The following LNPK variants were observed in gnomAD, a reference collection of about 807,000 sequenced individuals.
The protein encoded by LNPK is endoplasmic reticulum junction formation protein lunapark.
Under a neutral mutation model 55.2 loss-of-function variants are expected in LNPK, and 29 were observed. That is an observed-to-expected ratio of 0.53 (90% confidence interval 0.39 to 0.72). LNPK has a LOEUF of 0.72. Ranked by LOEUF, LNPK falls within the 30% of genes least tolerant of loss-of-function variation. The probability of loss-of-function intolerance (pLI) is 0.00; values close to 1 mark genes in which losing one functional copy is unlikely to be tolerated. For synonymous variants in LNPK, 162 were observed against 168.2 expected (o/e 0.96, Z 0.29); for missense variants, 467 against 494.8 (o/e 0.94, Z 0.53).
intron 9 of LNPK, chr2:175,940,929 A>T: frequency 4.4e-6 from 2 of 453,014 alleles, no homozygotes; most frequent in Middle Eastern, 3.3e-4. Flanking sequence ...AAACTGGTGA[A>T]CTTTAAGACA....
At chr2:175,951,398 T>C (rs1353816145) in intron 8 of LNPK, among the ~76,000 whole-genome samples, 4 of 151,626 alleles carry the variant, frequency 2.6e-5, no homozygotes, top group Non-Finnish European at 5.9e-5. Flanking sequence ...GTCCCCAAAG[T>C]CCATTGTGTC....
rs967956845 is a variant in LNPK at position 175,929,819 on chromosome 2, T to C, written c.*148A>G. On this transcript the variant is annotated 3_prime_UTR_variant, in exon 13 of 13. Transcript: ENST00000272748. ...TTTTAATACCCAGTATATATAACTT[T>C]GAGATGTTCAAATAGCTAGGCAATC... 1 of 1,453,940 alleles carries C rather than the reference T, an allele frequency of 6.9e-7. No homozygotes were observed. The highest frequency in any genetic ancestry group is 2.5e-5 in the East Asian group (1 of 40,270). 90.1% of individuals were successfully genotyped at this position (1,453,940 alleles called of 1,614,324 possible). A position where few individuals can be genotyped will look rare whatever the true frequency, so the allele number is the denominator to read the frequency against.
At chr2:175,984,850 T>G (rs942414355) in intron 4 of LNPK, among the ~76,000 whole-genome samples, 1 of 152,216 alleles carries the variant, frequency 6.6e-6, no homozygotes, top group Non-Finnish European at 1.5e-5. Context: ...CTCCAGCATT[T>G]GCACTCTTGG....
chr2:175,938,957 C>T (rs1684680628), intron 10 of LNPK: 1 of 152,108 alleles, frequency 6.6e-6, no homozygotes, highest in African/African-American at 2.4e-5. Context: ...TTCGCTATAT[C>T]AAATGTCATT....
At chr2:175,975,031 A>G (rs1189205599) in intron 5 of LNPK, among the ~76,000 whole-genome samples, 1 of 139,548 alleles carries the variant, frequency 7.2e-6, no homozygotes, top group South Asian at 2.2e-4. Flanking sequence ...TTTTTTTACT[A>G]TCTTGCTATT....
At chr2:175,984,454 G>T (rs745440266) in intron 4 of LNPK, among the ~76,000 whole-genome samples, 1 of 152,008 alleles carries the variant, frequency 6.6e-6, no homozygotes. Flanking sequence ...GATTACAGGC[G>T]TGAACCACTG....
chr2:175,983,980 T>C (rs819032), intron 4 of LNPK, among the ~76,000 whole-genome samples: 79,871 of 149,970 alleles, frequency 0.53, 21,849 homozygotes, highest in African/African-American at 0.66. Flanking sequence ...TAAGAGAAAA[T>C]CTTCACAACC....
chr2:175,952,405 A>G (rs1193236013), intron 8 of LNPK, among the ~76,000 whole-genome samples: 2 of 151,962 alleles, frequency 1.3e-5, no homozygotes, highest in African/African-American at 4.8e-5. Flanking sequence ...GCACAGGGAT[A>G]TATTTTCAGG....
chr2:175,931,071 T>C (rs1197154041), intron 12 of LNPK, among the ~76,000 whole-genome samples: 1 of 152,204 alleles, frequency 6.6e-6, no homozygotes, highest in Non-Finnish European at 1.5e-5. Context: ...AGACAACCTT[T>C]GGGCCACCCA....
intron 12 of LNPK, chr2:175,932,308 AACT>A: frequency 2.6e-6 from 1 of 382,080 alleles, no homozygotes; most frequent in Non-Finnish European, 5.2e-6. Context: ...CAAGGAGGAG[AACT>A]ACAATACTGA....
chr2:175,932,643 T>C (rs541652667), intron 12 of LNPK, among the ~76,000 whole-genome samples: 2 of 152,320 alleles, frequency 1.3e-5, no homozygotes, highest in East Asian at 1.9e-4. Flanking sequence ...GCCAATGCCA[T>C]TTTGTAAGAA....
intron 4 of LNPK, 150 bp downstream of exon 4, chr2:175,992,081 C>T (rs1687727184): frequency 1.9e-6 from 1 of 532,294 alleles, no homozygotes; most frequent in Admixed American, 4.3e-5. Flanking sequence ...AATTGTTCTA[C>T]TAAAAAAATC....
At chr2:175,966,628 A>G (rs896627345) in intron 6 of LNPK, among the ~76,000 whole-genome samples, 2 of 152,106 alleles carry the variant, frequency 1.3e-5, no homozygotes, top group African/African-American at 4.8e-5. Flanking sequence ...TCTATTTCCC[A>G]TTTTTTGCAT....
intron 12 of LNPK, among the ~76,000 whole-genome samples, chr2:175,933,776 C>G (rs551492805): frequency 1.2e-3 from 169 of 142,034 alleles, no homozygotes; most frequent in African/African-American, 3.9e-3. Context: ...CTGTCACCCA[C>G]GCTGGAGTGC....
chr2:175,998,419 G>T (rs1017865527), intron 1 of LNPK, among the ~76,000 whole-genome samples: 1 of 149,364 alleles, frequency 6.7e-6, no homozygotes, highest in Non-Finnish European at 1.5e-5. Flanking sequence ...CTCCAGCCTG[G>T]GTCACAGAGC....
intron 9 of LNPK, among the ~76,000 whole-genome samples, chr2:175,940,123 T>C (rs1174104216): frequency 6.6e-6 from 1 of 152,020 alleles, no homozygotes; most frequent in East Asian, 1.9e-4. Flanking sequence ...TATCAAGCAA[T>C]GTAGGTTATT....
intron 8 of LNPK, among the ~76,000 whole-genome samples, chr2:175,956,110 T>C (rs1218619571): frequency 1.3e-5 from 2 of 151,712 alleles, no homozygotes; most frequent in African/African-American, 4.8e-5. Flanking sequence ...TGAAACCCCA[T>C]CTCTACAAAA....
chr2:175,958,663 C>T (rs1022583291), intron 8 of LNPK, among the ~76,000 whole-genome samples: 5 of 152,178 alleles, frequency 3.3e-5, no homozygotes, highest in Non-Finnish European at 7.3e-5. Context: ...CACCTCTTCT[C>T]TTCCGAAGGA....
chr2:175,979,782 A>T, intron 5 of LNPK, 28 bp downstream of exon 5: 1 of 1,469,556 alleles, frequency 6.8e-7, no homozygotes, highest in African/African-American at 1.4e-5. Flanking sequence ...TTTAAAAAAT[A>T]TTTATTAAAA....
Sources: gnomAD v4.1 joint callset for allele counts (sites outside exome capture counted in the v4.1 genomes callset) on GRCh38, gnomAD v4.1.1 for gene constraint, MANE v1.5 for transcripts, NCBI Gene and HGNC (gene_info 2026-07-23, HGNC 2026-07-21) for gene names.